CDK7: variants seen among roughly 807,000 people sequenced by gnomAD.
CDK7 encodes the protein cyclin-dependent kinase 7.
CDK7 carries 25 observed loss-of-function variants against 49.1 expected under a neutral mutation model. That is an observed-to-expected ratio of 0.51 (90% CI 0.37 to 0.71). CDK7 has a LOEUF of 0.71. Ranked by LOEUF, CDK7 falls within the 30% of genes least tolerant of loss-of-function variation. CDK7 has a pLI of 0.00. For missense variants in CDK7, 316 were observed against 411.7 expected (o/e 0.77, Z 2.01); for synonymous variants, 107 against 140.0 (o/e 0.76, Z 1.67).
At chr5:69,254,295 G>A (rs990424690) in intron 3 of CDK7, among the ~76,000 whole-genome samples, 1 of 151,976 alleles carries the variant, frequency 6.6e-6, no homozygotes, top group East Asian at 1.9e-4. Flanking sequence ...AGGCCAAAGC[G>A]GGTGGATCAC....
intron 8 of CDK7, among the ~76,000 whole-genome samples, chr5:69,267,320 T>G (rs1374472675): frequency 2.0e-5 from 2 of 102,162 alleles, no homozygotes; most frequent in Admixed American, 1.2e-4. Context: ...TTTTTTTTTT[T>G]GAGACAGAGT....
At chr5:69,263,802 C>T (rs778677210) in intron 8 of CDK7, among the ~76,000 whole-genome samples, 2 of 152,176 alleles carry the variant, frequency 1.3e-5, no homozygotes, top group Non-Finnish European at 2.9e-5. Context: ...TGACTGATCA[C>T]TCCATTGAGA....
chr5:69,259,767 G>A (rs747722778), intron 6 of CDK7, 51 bp from the exon 7 acceptor site: 1 of 1,142,820 alleles, frequency 8.8e-7, no homozygotes, highest in Non-Finnish European at 1.3e-6. Flanking sequence ...TAGCACTACA[G>A]TGTTCTCCCC....
chr5:69,254,512 A>G, intron 3 of CDK7, 90 bp from the exon 4 acceptor site: 1 of 639,926 alleles, frequency 1.6e-6, no homozygotes, highest in Non-Finnish European at 2.7e-6. Context: ...ACAGAGCGAG[A>G]CTCCATCTCA....
At chr5:69,247,541 G>A (rs1462022404) in intron 2 of CDK7, among the ~76,000 whole-genome samples, 1 of 150,082 alleles carries the variant, frequency 6.7e-6, no homozygotes, top group African/African-American at 2.5e-5. Context: ...CAGTCACTCT[G>A]TGTCTTATGA....
At chr5:69,264,561 A>G (rs1030081834) in intron 8 of CDK7, among the ~76,000 whole-genome samples, 1 of 152,152 alleles carries the variant, frequency 6.6e-6, no homozygotes, top group African/African-American at 2.4e-5. Flanking sequence ...AAATTAACAG[A>G]TTGATCCAGG....
chr5:69,269,578 C>T (rs554429783), intron 9 of CDK7, among the ~76,000 whole-genome samples: 1 of 152,092 alleles, frequency 6.6e-6, no homozygotes, highest in South Asian at 2.1e-4. Flanking sequence ...TTTATAAGCA[C>T]ACTACGAACA....
chr5:69,273,976 T>G (rs1751843348), intron 10 of CDK7, among the ~76,000 whole-genome samples: 1 of 152,178 alleles, frequency 6.6e-6, no homozygotes, highest in Admixed American at 6.5e-5. Flanking sequence ...TCTCCTAATT[T>G]CTTTTTTAAA....
chr5:69,270,407 T>C (rs1185548397), intron 9 of CDK7, among the ~76,000 whole-genome samples: 1 of 152,212 alleles, frequency 6.6e-6, no homozygotes, highest in Non-Finnish European at 1.5e-5. Flanking sequence ...ATTGCACCAC[T>C]GCGCTTTACC....
intron 2 of CDK7, among the ~76,000 whole-genome samples, chr5:69,245,007 C>A (rs1033661569): frequency 6.6e-6 from 1 of 152,120 alleles, no homozygotes; most frequent in African/African-American, 2.4e-5. Context: ...ATATGTTGAA[C>A]CATCCTTGCA....
intron 2 of CDK7, among the ~76,000 whole-genome samples, chr5:69,243,779 C>T (rs1050661563): frequency 8.6e-6 from 1 of 116,722 alleles, no homozygotes; most frequent in African/African-American, 2.9e-5. Context: ...AATTATCTTT[C>T]CATTTTTTTG....
intron 6 of CDK7, 22 bp from the exon 7 acceptor site, chr5:69,259,796 G>C: frequency 1.3e-6 from 2 of 1,521,708 alleles, no homozygotes; most frequent in Non-Finnish European, 1.8e-6. Context: ...TTATTTGTTT[G>C]TTTAAAACTT....
Position 69,259,799 on chromosome 5 carries a change from T to G in CDK7, c.409-19T>G. The G allele has an allele frequency of 6.5e-7, 1 of 1,546,848 alleles. No individual in the cohort carries two copies. The stretch of plus-strand genomic sequence containing the variant: ...CCCCTACCCTGCTTATTTGTTTGTT[T>G]AAAACTTCCGTCATATAGGATCTGA... On this transcript the variant is annotated intron_variant, in intron 6 of 11. Coordinates refer to ENST00000256443, the MANE Select transcript of CDK7 (RefSeq NM_001799.4).
chr5:69,241,810 A>T (rs1432335554), intron 2 of CDK7, among the ~76,000 whole-genome samples: 2 of 152,194 alleles, frequency 1.3e-5, no homozygotes, highest in Admixed American at 6.5e-5. Context: ...CTGGATATTA[A>T]TCTCTTATCA....
At chr5:69,271,140 A>C (rs1184303340) in intron 9 of CDK7, among the ~76,000 whole-genome samples, 4 of 152,168 alleles carry the variant, frequency 2.6e-5, no homozygotes, top group Admixed American at 2.6e-4. Context: ...TGGTGTTGTC[A>C]CTTTTTAATT....
intron 2 of CDK7, among the ~76,000 whole-genome samples, chr5:69,252,029 A>T (rs1444631907): frequency 6.6e-6 from 1 of 152,188 alleles, no homozygotes; most frequent in Non-Finnish European, 1.5e-5. Flanking sequence ...TATTGGGCTT[A>T]TTACCAACTC....
At chr5:69,238,658 A>ATT (rs1241595271) in intron 2 of CDK7, among the ~76,000 whole-genome samples, 1 of 133,966 alleles carries the variant, frequency 7.5e-6, no homozygotes, top group African/African-American at 3.0e-5. Context: ...TTTTTTTTTT[A>ATT]TTTTATTTTT....
intron 3 of CDK7, among the ~76,000 whole-genome samples, chr5:69,253,132 A>G (rs527794919): frequency 1.3e-5 from 2 of 152,340 alleles, no homozygotes; most frequent in East Asian, 3.9e-4. Flanking sequence ...AAAGCTTACT[A>G]TGGAATAGAT....
In CDK7 at chr5:69,262,272, G is replaced by A. The variant is rs375865945; in HGVS notation, c.595G>A (p.Val199Ile). 6.2e-7 allele frequency: 1 copy of A among 1,614,008 alleles called. No homozygotes were observed. The highest frequency in any genetic ancestry group is 8.5e-7 in the Non-Finnish European group (1 of 1,180,000). ...MYGVGVDMWA[V>I]GCILAELLLR... ...TGGTGTAGGTGTGGACATGTGGGCT[G>A]TTGGCTGTATATTAGCAGAGTTACT... The change falls in exon 8 of 12, where the codon GTT (valine) becomes ATT (isoleucine). Residue 199 changes from valine to isoleucine, a missense_variant. Physicochemically the swap from Val to Ile is conservative, Grantham distance 29. Transcript: ENST00000256443.
Sources: allele counts gnomAD v4.1 joint callset (sites outside exome capture counted in the v4.1 genomes callset), GRCh38; gene constraint gnomAD v4.1.1; transcripts MANE v1.5; gene names NCBI Gene and HGNC (gene_info 2026-07-23, HGNC 2026-07-21).